The following NASP variants were observed in gnomAD, a reference collection of about 807,000 sequenced individuals.
NASP encodes nuclear autoantigenic sperm protein.
A neutral mutation model predicts 89.5 loss-of-function variants in NASP; 24 were observed. That is an observed-to-expected ratio of 0.27 (90% CI 0.19 to 0.38). The LOEUF (loss-of-function observed/expected upper bound fraction) is 0.38. Among genes scored for constraint, NASP ranks in the 10% least tolerant of loss-of-function variants. The pLI is 1.00. For missense variants in NASP, 848 were observed against 921.4 expected (o/e 0.92, Z 1.03); for synonymous variants, 306 against 324.7 (o/e 0.94, Z 0.62).
At chr1:45,591,649 C>T (rs1286856682) in intron 2 of NASP, among the ~76,000 whole-genome samples, 3 of 152,072 alleles carry the variant, frequency 2.0e-5, no homozygotes, top group Non-Finnish European at 2.9e-5. Flanking sequence ...CTACCAGGCC[C>T]GTCTCACCTC....
Position 45,591,245 on chromosome 1 carries a change from T to C in NASP, c.82T>C (p.Ser28Pro). Reference sequence around the variant, plus strand: ...CAGAATTGAAGATGTTCCTGCTCCTTCTACATCTGCAGATAAAGTGGAGAG... The same window carrying C: ...CAGAATTGAAGATGTTCCTGCTCCTCCTACATCTGCAGATAAAGTGGAGAG... ...ADKIEDVPAP[S>P]TSADKVESLD... Residue 28 changes from serine to proline, a missense_variant, in exon 2 of 15, where the codon TCT becomes CCT. Ser to Pro is a moderately conservative substitution (Grantham distance 74). Coordinates refer to ENST00000350030, the MANE Select transcript of NASP (RefSeq NM_002482.4). 1.3e-6 allele frequency: 2 copies of C among 1,548,880 alleles called. 1 individual carries two copies. The highest frequency in any genetic ancestry group is 2.5e-5 in the South Asian group (2 of 79,254).
intron 5 of NASP, 191 bp downstream of exon 5, chr1:45,606,782 A>G: frequency 4.3e-6 from 2 of 459,958 alleles, no homozygotes; most frequent in Non-Finnish European, 7.7e-6. Flanking sequence ...TTGAAAGAGA[A>G]TAACTTATTT....
chr1:45,615,404 A>G lies in NASP; in HGVS notation c.1955A>G (p.Lys652Arg). ...LKELLPEIRE[K>R]IEDAKESQRS... is the part of the protein sequence containing the mutation. ...GAACTGCTACCCGAAATTAGAGAGAAGATAGAAGATGCAAAGGAGTCTCAG... is the reference window on the plus strand; with the variant it reads ...GAACTGCTACCCGAAATTAGAGAGAGGATAGAAGATGCAAAGGAGTCTCAG... Residue 652 changes from lysine (K) to arginine (R), a missense_variant, in exon 11 of 15, where the codon AAG (lysine) becomes AGG (arginine). Transcript: ENST00000350030. 2 of 1,614,216 alleles carry G rather than the reference A, an allele frequency of 1.2e-6. No homozygotes were observed. Among genetic ancestry groups the G allele is most frequent in the Non-Finnish European group, 1.7e-6 (2 of 1,180,024 alleles).
Position 45,608,248 on chromosome 1 carries a change from G to A in NASP, c.1337G>A (p.Gly446Glu), listed in dbSNP as rs1397300811. The change falls in exon 6 of 15, where the codon GGA (glycine) becomes GAA (glutamate). Residue 446 changes from glycine to glutamate, a missense_variant. By Grantham distance (98) the Gly-to-Glu change is moderately conservative. Transcript: ENST00000350030. Reference sequence around the variant, plus strand: ...GGGGTTGATACCAAGGTAGCCCAGGGAGCTACTGAGAAATCACCTGAAGAC... The same window carrying A: ...GGGGTTGATACCAAGGTAGCCCAGGAAGCTACTGAGAAATCACCTGAAGAC... ...GDGVDTKVAQGATEKSPEDKV... is the reference protein window; with the variant it reads ...GDGVDTKVAQEATEKSPEDKV... The A allele has an allele frequency of 6.2e-7, 1 of 1,614,076 alleles. No individual in the cohort carries two copies. Among genetic ancestry groups the A allele is most frequent in the East Asian group, 2.2e-5 (1 of 44,882 alleles).
At chr1:45,601,813 T>A (rs868477070) in intron 2 of NASP, among the ~76,000 whole-genome samples, 6 of 127,348 alleles carry the variant, frequency 4.7e-5, no homozygotes, top group Admixed American at 1.1e-4. Flanking sequence ...TGGAGTGCAG[T>A]GGCGCATCTC....
intron 1 of NASP, among the ~76,000 whole-genome samples, chr1:45,586,284 G>GTGTGTGTGT (rs1202771599): frequency 3.0e-5 from 3 of 100,472 alleles, no homozygotes; most frequent in East Asian, 5.5e-4. Flanking sequence ...GTGTGTGTGT[G>GTGTGTGTGT]GTGTGTGTGT....
chr1:45,586,663 C>T (rs1644555996), intron 1 of NASP, among the ~76,000 whole-genome samples: 1 of 152,096 alleles, frequency 6.6e-6, no homozygotes, highest in African/African-American at 2.4e-5. Context: ...CAGTGTGTCT[C>T]AGTTAAGTAA....
chr1:45,600,477 G>C, intron 2 of NASP: 3 of 1,152,126 alleles, frequency 2.6e-6, no homozygotes, highest in Non-Finnish European at 3.3e-6. Context: ...GTTTCTTTTT[G>C]TATAGTTTCT....
intron 2 of NASP, among the ~76,000 whole-genome samples, chr1:45,600,042 A>C (rs1288421806): frequency 8.3e-6 from 1 of 120,358 alleles, no homozygotes; most frequent in Non-Finnish European, 1.6e-5. Context: ...CATTCTTGTT[A>C]TAATCACAGT....
intron 1 of NASP, among the ~76,000 whole-genome samples, chr1:45,586,268 GTGTGTGTGTGTGTGTGGTGT>G (rs1272725646): frequency 8.8e-4 from 56 of 63,966 alleles, no homozygotes; most frequent in Middle Eastern, 7.6e-3. Flanking sequence ...GTGTGTGTGT[GTGTGTGTGTGTGTGTGGTGT>G]GTGTGTGTGT....
chr1:45,609,757 T>C (rs985620646), intron 6 of NASP: 1 of 152,192 alleles, frequency 6.6e-6, no homozygotes, highest in African/African-American at 2.4e-5. Flanking sequence ...CAAGTTACAG[T>C]GATGAGGTTG....
rs570742294 is a variant in NASP at position 45,607,914 on chromosome 1, G to A, written c.1003G>A (p.Gly335Ser). Residue 335 changes from glycine to serine, a missense_variant, in exon 6 of 15, where the codon GGT becomes AGT. Physicochemically the swap from Gly to Ser is moderately conservative, Grantham distance 56. Coordinates refer to ENST00000350030, the MANE Select transcript of NASP (RefSeq NM_002482.4). ...AAAGGCGGTTCTTGAACAACTGGTAGGTCAAGAAGTACCACCTGCTGAAGA... is the reference window on the plus strand; with the variant it reads ...AAAGGCGGTTCTTGAACAACTGGTAAGTCAAGAAGTACCACCTGCTGAAGA... ...AGKAVLEQLV[G>S]QEVPPAEESP... 31 of 1,614,118 alleles carry A rather than the reference G, an allele frequency of 1.9e-5. No individual in the cohort carries two copies. In the South Asian group the frequency reaches 2.2e-4, roughly 11 times the overall value.
In NASP at chr1:45,591,273, A is replaced by C; in HGVS notation, c.107+3A>C. 6.6e-7 allele frequency: 1 copy of C among 1,516,896 alleles called. No homozygotes were observed. Among genetic ancestry groups the C allele is most frequent in the South Asian group, 1.3e-5 (1 of 78,800 alleles). 94.0% of individuals were successfully genotyped at this position (1,516,896 alleles called of 1,614,324 possible). On this transcript the variant is annotated splice_donor_region_variant and intron_variant, in intron 2 of 14. Coordinates refer to ENST00000350030, the MANE Select transcript of NASP (RefSeq NM_002482.4). The stretch of plus-strand genomic sequence containing the variant: ...ACATCTGCAGATAAAGTGGAGAGGT[A>C]AGATTATTTACATGGTAGTTAGATT...
In NASP at chr1:45,617,818, T is replaced by C. The variant is rs183382267; in HGVS notation, c.2286+227T>C. Among the ~76,000 whole-genome samples, 20 of 152,352 alleles carry C rather than the reference T, an allele frequency of 1.3e-4. No individual in the cohort carries two copies. In the East Asian group the frequency reaches 3.9e-3, roughly 29 times the overall value. ...TATTATAGGTCCCTCGATGAATATA[T>C]GAGAAGGCACTTGATGGGCAAAACC... On this transcript the variant is annotated intron_variant, in intron 14 of 14. Transcript: ENST00000350030.
At chr1:45,609,035 C>T (rs532122978) in intron 6 of NASP, among the ~76,000 whole-genome samples, 13 of 152,194 alleles carry the variant, frequency 8.5e-5, no homozygotes, top group African/African-American at 2.9e-4. Flanking sequence ...ATGCTTGCTT[C>T]GGCTGCTAAA....
chr1:45,616,422 T>G (rs1382393814), intron 12 of NASP, 29 bp downstream of exon 12: 1 of 1,607,950 alleles, frequency 6.2e-7, no homozygotes, highest in South Asian at 1.1e-5. Flanking sequence ...TTTTGGTCAC[T>G]TACATTAAGT....
Position 45,608,348 on chromosome 1 carries a change from T to C in NASP, c.1426+11T>C, listed in dbSNP as rs1339427129. ...TGAAAGAGGGTGAAGGTAACCGGGATATGCAAGAGCTGCAGTGGGTGGAGT... is the reference window on the plus strand; with the variant it reads ...TGAAAGAGGGTGAAGGTAACCGGGACATGCAAGAGCTGCAGTGGGTGGAGT... On this transcript the variant is annotated intron_variant, in intron 6 of 14. Transcript: ENST00000350030. The C allele has an allele frequency of 2.5e-6, 4 of 1,592,506 alleles. No homozygotes were observed. Among genetic ancestry groups the C allele is most frequent in the East Asian group, 2.3e-5 (1 of 43,994 alleles).
rs532184535 is a variant in NASP, at chr1:45,614,924, G to A, written c.1667-89G>A. The stretch of plus-strand genomic sequence containing the variant: ...AAACAAAAATGGAATGTTAAATATG[G>A]GTGCATTCCCATAGGATGGGTCTGA... On this transcript the variant is annotated intron_variant, in intron 9 of 14. Transcript: ENST00000350030. 9.5e-6 allele frequency: 10 copies of A among 1,051,488 alleles called. 1 individual carries two copies. The Admixed American group carries it at 2.5e-4, about 26-fold the overall frequency. 65.1% of individuals were successfully genotyped at this position (1,051,488 alleles called of 1,614,324 possible).
chr1:45,604,705 A>G (rs1643887798), intron 3 of NASP, among the ~76,000 whole-genome samples: 1 of 152,228 alleles, frequency 6.6e-6, no homozygotes, highest in Non-Finnish European at 1.5e-5. Flanking sequence ...ATTATGTATT[A>G]CTAATTGTAG....
Sources: gnomAD v4.1 joint callset for allele counts (sites outside exome capture counted in the v4.1 genomes callset) on GRCh38, gnomAD v4.1.1 for gene constraint, MANE v1.5 for transcripts, NCBI Gene and HGNC (gene_info 2026-07-23, HGNC 2026-07-21) for gene names.